Variants in FHIP1A observed in about 807,000 individuals in gnomAD.
The protein encoded by FHIP1A is FHF complex subunit HOOK-interacting protein 1A.
Under a neutral mutation model 88.6 loss-of-function variants are expected in FHIP1A, and 61 were observed. The ratio of observed to expected loss-of-function variants is 0.69; its 90% CI spans 0.56 to 0.85. The LOEUF is 0.85. Ranked by LOEUF, FHIP1A falls within the 40% of genes least tolerant of loss-of-function variation. FHIP1A has a pLI of 0.00. For synonymous variants in FHIP1A, 478 were observed against 496.0 expected (o/e 0.96, Z 0.48); for missense variants, 1,154 against 1,273.5 (o/e 0.91, Z 1.43).
At chr4:151,511,020 A>G (rs942063181) in intron 3 of FHIP1A, among the ~76,000 whole-genome samples, 3 of 152,224 alleles carry the variant, frequency 2.0e-5, no homozygotes. Context: ...GCAAAACAAT[A>G]TGGAAATGCT....
At chr4:151,443,364 C>A (rs1481233666) in intron 1 of FHIP1A, among the ~76,000 whole-genome samples, 1 of 152,090 alleles carries the variant, frequency 6.6e-6, no homozygotes, top group African/African-American at 2.4e-5. Context: ...GTCACCCAGG[C>A]TGGATCGCAA....
chr4:151,513,976 C>T (rs940255159), intron 3 of FHIP1A, among the ~76,000 whole-genome samples: 43 of 150,620 alleles, frequency 2.9e-4, no homozygotes, highest in African/African-American at 7.6e-4. Context: ...ACAGAACTCT[C>T]CACCCCAAAT....
chr4:151,579,105 G>A (rs1214340179), intron 5 of FHIP1A, among the ~76,000 whole-genome samples: 1 of 152,118 alleles, frequency 6.6e-6, no homozygotes, highest in Non-Finnish European at 1.5e-5. Context: ...GCAGGGTGAG[G>A]GATGAATAAG....
At chr4:151,468,432 CA>C (rs1729402942) in intron 2 of FHIP1A, among the ~76,000 whole-genome samples, 1 of 152,072 alleles carries the variant, frequency 6.6e-6, no homozygotes, top group Non-Finnish European at 1.5e-5. Context: ...CCACTGGTGT[CA>C]GTGAATCCAG....
At chr4:151,652,167 G>GA (rs886254057) in intron 11 of FHIP1A, among the ~76,000 whole-genome samples, 10 of 149,472 alleles carry the variant, frequency 6.7e-5, no homozygotes, top group East Asian at 1.9e-4. Flanking sequence ...TCAGGGCAAG[G>GA]AAAAAAAAAG....
intron 2 of FHIP1A, among the ~76,000 whole-genome samples, chr4:151,457,686 T>G (rs1466518559): frequency 6.6e-6 from 1 of 152,184 alleles, no homozygotes. Context: ...ACTGTCTGGC[T>G]GCCCTAGTTC....
chr4:151,582,119 G>T (rs1197969357), intron 5 of FHIP1A, among the ~76,000 whole-genome samples: 1 of 152,132 alleles, frequency 6.6e-6, no homozygotes, highest in East Asian at 1.9e-4. Context: ...ATTAAAGCAA[G>T]CGACCTTTAG....
At chr4:151,505,003 C>T (rs567248506) in intron 3 of FHIP1A, among the ~76,000 whole-genome samples, 1 of 152,130 alleles carries the variant, frequency 6.6e-6, no homozygotes, top group Non-Finnish European at 1.5e-5. Flanking sequence ...CCCATTACCC[C>T]CCGACCCAGT....
At chr4:151,650,639 G>T in intron 11 of FHIP1A, 47 bp downstream of exon 11, 1 of 1,498,824 alleles carries the variant, frequency 6.7e-7, no homozygotes, top group Non-Finnish European at 8.9e-7. Flanking sequence ...GAAAGTACTT[G>T]TATATATTGG....
At chr4:151,469,576 A>C (rs1411389969) in intron 2 of FHIP1A, among the ~76,000 whole-genome samples, 3 of 152,184 alleles carry the variant, frequency 2.0e-5, no homozygotes, top group Admixed American at 6.5e-5. Flanking sequence ...GTTGCTTCCA[A>C]ATATGCTTGA....
intron 3 of FHIP1A, among the ~76,000 whole-genome samples, chr4:151,523,239 T>C (rs191303371): frequency 1.3e-5 from 2 of 152,300 alleles, no homozygotes; most frequent in African/African-American, 4.8e-5. Flanking sequence ...CAGGGTTTTT[T>C]TTGGGCTTAA....
At chr4:151,463,776 C>A (rs1331879065) in intron 2 of FHIP1A, among the ~76,000 whole-genome samples, 3 of 152,182 alleles carry the variant, frequency 2.0e-5, no homozygotes, top group Non-Finnish European at 4.4e-5. Context: ...CACAGTATCA[C>A]CATGACACTG....
intron 1 of FHIP1A, among the ~76,000 whole-genome samples, chr4:151,415,944 G>GT (rs397880424): frequency 0.21 from 30,894 of 144,592 alleles, 3,552 homozygotes; most frequent in South Asian, 0.32. Context: ...GGAGCATAGT[G>GT]TTTTTTTTTT....
chr4:151,626,055 G>A lies in FHIP1A; in HGVS notation c.979-3647G>A, dbSNP rs542790857. ...GTCAGAAATAATATTTTGTATGTTT[G>A]CATATATATGTATATTTACTGAATT... On this transcript the variant is annotated intron_variant, in intron 7 of 13. Transcript: ENST00000435205. Among the ~76,000 whole-genome samples, 13 of 152,212 alleles carry A rather than the reference G, an allele frequency of 8.5e-5. No individual in the cohort carries two copies. The South Asian group carries it at 2.7e-3, about 32-fold the overall frequency.
intron 11 of FHIP1A, among the ~76,000 whole-genome samples, chr4:151,654,363 G>A (rs570678444): frequency 6.5e-4 from 99 of 152,084 alleles, no homozygotes; most frequent in African/African-American, 2.1e-3. Flanking sequence ...TCCTGTGGAT[G>A]GTCCCCCCTG....
In FHIP1A at chr4:151,566,464, T is replaced by G. The variant is rs926304229; in HGVS notation, c.105+100T>G. The G allele has an allele frequency of 6.0e-6, 4 of 666,876 alleles. No individual in the cohort carries two copies. In the Admixed American group the frequency reaches 1.3e-4, roughly 21 times the overall value. 41.3% of individuals were successfully genotyped at this position (666,876 alleles called of 1,614,324 possible). A position where few individuals can be genotyped will look rare whatever the true frequency, so the allele number is the denominator to read the frequency against. ...CTACCTCTGTGATAGGTAACTAGAT[T>G]GCTAGAAACACAGGGAGGGAAACTC... On this transcript the variant is annotated intron_variant, in intron 4 of 13. Transcript: ENST00000435205.
intron 2 of FHIP1A, among the ~76,000 whole-genome samples, chr4:151,470,891 AT>A (rs1358914402): frequency 6.6e-6 from 1 of 152,026 alleles, no homozygotes; most frequent in Non-Finnish European, 1.5e-5. Context: ...GCCGTATTGT[AT>A]TTTTGCTCCA....
At chr4:151,438,709 A>G (rs1428234183) in intron 1 of FHIP1A, among the ~76,000 whole-genome samples, 1 of 150,462 alleles carries the variant, frequency 6.6e-6, no homozygotes, top group Non-Finnish European at 1.5e-5. Flanking sequence ...TGGCATGATC[A>G]TAGCTCATTG....
intron 5 of FHIP1A, among the ~76,000 whole-genome samples, chr4:151,580,435 T>C (rs1233749135): frequency 5.9e-5 from 9 of 152,196 alleles, no homozygotes; most frequent in Non-Finnish European, 1.3e-4. Flanking sequence ...TGGTGATGCA[T>C]TGAGATACCA....
Sources: gnomAD v4.1 joint callset for allele counts (sites outside exome capture counted in the v4.1 genomes callset) on GRCh38, gnomAD v4.1.1 for gene constraint, MANE v1.5 for transcripts, NCBI Gene and HGNC (gene_info 2026-07-23, HGNC 2026-07-21) for gene names.